GBP6: variants seen among roughly 807,000 people sequenced by gnomAD.
The protein encoded by GBP6 is guanylate binding protein family member 6.
Under a neutral mutation model 61.5 loss-of-function variants are expected in GBP6, and 54 were observed. The ratio of observed to expected loss-of-function variants is 0.88; its 90% CI spans 0.71 to 1.10. GBP6 has a LOEUF of 1.10. Ranked by LOEUF, GBP6 falls within the 50% of genes least tolerant of loss-of-function variation. The probability of loss-of-function intolerance (pLI) is 0.00; values close to 1 mark genes in which losing one functional copy is unlikely to be tolerated. For synonymous variants in GBP6, 255 were observed against 273.7 expected (o/e 0.93, Z 0.67); for missense variants, 748 against 752.8 (o/e 0.99, Z 0.07).
chr1:89,370,884 A>T (rs1245290204), intron 3 of GBP6, among the ~76,000 whole-genome samples: 2 of 152,190 alleles, frequency 1.3e-5, no homozygotes, highest in African/African-American at 4.8e-5. Context: ...TGAAGGTCAC[A>T]ATCAATATAG....
intron 1 of GBP6, among the ~76,000 whole-genome samples, chr1:89,367,983 A>G (rs939850981): frequency 3.3e-5 from 5 of 152,222 alleles, no homozygotes; most frequent in African/African-American, 1.2e-4. Flanking sequence ...CCTGGTTGCT[A>G]TAGACTTATG....
intron 4 of GBP6, 65 bp from the exon 5 acceptor site, chr1:89,378,352 A>G: frequency 4.5e-6 from 7 of 1,552,830 alleles, no homozygotes; most frequent in Non-Finnish European, 6.1e-6. Context: ...AGTGTTTATA[A>G]TATTTTTATA....
Position 89,369,385 on chromosome 1 carries a change from T to C in GBP6, c.191-161T>C, listed in dbSNP as rs147072861. On this transcript the variant is annotated intron_variant, in intron 2 of 10. Coordinates refer to ENST00000370456, the MANE Select transcript of GBP6 (RefSeq NM_198460.3). ...TCTCACATTTAATGTCCCTCGCTTT[T>C]TTATATAGATTATTCACAAAGTAAG... 5.2e-3 allele frequency among the ~76,000 whole-genome samples: 796 copies of C among 152,288 alleles called. 7 individuals carry two copies. Among genetic ancestry groups the C allele is most frequent in the African/African-American group, 0.018 (750 of 41,556 alleles).
intron 3 of GBP6, among the ~76,000 whole-genome samples, chr1:89,375,626 A>T (rs1007736668): frequency 1.3e-5 from 2 of 151,966 alleles, no homozygotes; most frequent in African/African-American, 4.8e-5. Context: ...ATTGAGTTAT[A>T]TAAGTTCCTC....
chr1:89,381,991 A>G lies in GBP6; in HGVS notation c.1152+17A>G. The stretch of plus-strand genomic sequence containing the variant: ...AAGTTCATGGTAATTTGCCTTAGTC[A>G]TTACTGTTCATCATCCTTCCCCTTG... On this transcript the variant is annotated intron_variant, in intron 7 of 10. Transcript: ENST00000370456. The G allele has an allele frequency of 1.3e-6, 2 of 1,584,010 alleles. No homozygotes were observed. The highest frequency in any genetic ancestry group is 2.2e-5 in the East Asian group (1 of 44,576).
Position 89,385,510 on chromosome 1 carries a change from G to T in GBP6, c.*41G>T. On this transcript the variant is annotated 3_prime_UTR_variant, in exon 11 of 11. Coordinates refer to ENST00000370456, the MANE Select transcript of GBP6 (RefSeq NM_198460.3). ...TACATATATGCTTTGGACTATTTTT[G>T]ATCTGTATGTTTTTCATTTTCATTC... 4 of 1,531,512 alleles carry T rather than the reference G, an allele frequency of 2.6e-6. No homozygotes were observed. The highest frequency in any genetic ancestry group is 2.3e-5 in the East Asian group (1 of 43,320). 94.9% of individuals were successfully genotyped at this position (1,531,512 alleles called of 1,614,324 possible).
Position 89,378,151 on chromosome 1 carries a change from T to C in GBP6, c.367T>C (p.Cys123Arg), listed in dbSNP as rs1422860444. Residue 123 changes from cysteine to arginine, a missense_variant, in exon 4 of 11, where the codon TGC (cysteine) becomes CGC (arginine). Coordinates refer to ENST00000370456, the MANE Select transcript of GBP6 (RefSeq NM_198460.3). Reference protein sequence around the residue: ...SWIFALAVLLCSTFVYNSMST... With the variant: ...SWIFALAVLLRSTFVYNSMST... The stretch of plus-strand genomic sequence containing the variant: ...GATCTTTGCCCTGGCTGTGCTCCTG[T>C]GCAGCACCTTTGTCTACAACAGCAT... The C allele has an allele frequency of 1.9e-6, 3 of 1,613,098 alleles. No individual in the cohort carries two copies. The South Asian group carries it at 3.3e-5, about 18-fold the overall frequency.
At position 89,383,698 on chromosome 1, in the gene GBP6, A is replaced by G; in HGVS notation, c.1412A>G (p.Glu471Gly). 6.2e-7 allele frequency: 1 copy of G among 1,612,876 alleles called. No homozygotes were observed. The highest frequency in any genetic ancestry group is 8.5e-7 in the Non-Finnish European group (1 of 1,179,750). The part of the protein sequence containing the change: ...QRFLESQMVI[E>G]ESILQSDKAL... Reference sequence around the variant, plus strand: ...TTCCTGGAGTCACAGATGGTGATAGAGGAATCCATCTTGCAGTCAGATAAA... The same window carrying G: ...TTCCTGGAGTCACAGATGGTGATAGGGGAATCCATCTTGCAGTCAGATAAA... The change falls in exon 9 of 11, where the codon GAG (glutamate) becomes GGG (glycine). Residue 471 changes from glutamate to glycine, a missense_variant. Transcript: ENST00000370456.
rs1653168768 is a variant in GBP6, at chr1:89,387,250, C to A, written c.*1781C>A. Among the ~76,000 whole-genome samples the A allele has an allele frequency of 6.6e-6, 1 of 152,120 alleles. No homozygotes were observed. The highest frequency in any genetic ancestry group is 1.5e-5 in the Non-Finnish European group (1 of 68,024). On this transcript the variant is annotated 3_prime_UTR_variant, in exon 11 of 11. Coordinates refer to ENST00000370456, the MANE Select transcript of GBP6 (RefSeq NM_198460.3). ...TCCATATACTAGGGAAATACAAACA[C>A]CCAAATATTTCAAGGACCCTTGGAA...
chr1:89,384,211 A>C lies in GBP6; in HGVS notation c.1587A>C (p.Gln529His). 3.1e-6 allele frequency: 5 copies of C among 1,614,052 alleles called. No individual in the cohort carries two copies. The highest frequency in any genetic ancestry group is 1.1e-5 in the South Asian group (1 of 91,080). The change falls in exon 10 of 11, where the codon CAA becomes CAC. Residue 529 changes from glutamine to histidine, a missense_variant. Coordinates refer to ENST00000370456, the MANE Select transcript of GBP6 (RefSeq NM_198460.3). ...QDKSRKENIA[Q>H]LKEKLQMERE... Reference sequence around the variant, plus strand: ...AGAGTCGCAAGGAAAACATAGCCCAACTGAAGGAGAAGCTGCAGATGGAGA... The same window carrying C: ...AGAGTCGCAAGGAAAACATAGCCCACCTGAAGGAGAAGCTGCAGATGGAGA...
intron 3 of GBP6, among the ~76,000 whole-genome samples, chr1:89,371,818 A>T (rs1234569358): frequency 6.6e-6 from 1 of 152,226 alleles, no homozygotes. Flanking sequence ...GGCCAGGGCA[A>T]TAAGGCAGGA....
intron 1 of GBP6, among the ~76,000 whole-genome samples, chr1:89,367,146 C>A (rs763351634): frequency 6.6e-6 from 1 of 152,070 alleles, no homozygotes; most frequent in Non-Finnish European, 1.5e-5. Context: ...TGAGTCCCTG[C>A]CTTTAATTTT....
intron 8 of GBP6, 78 bp from the exon 9 acceptor site, chr1:89,383,574 C>A: frequency 9.6e-7 from 1 of 1,039,550 alleles, no homozygotes; most frequent in Non-Finnish European, 1.5e-6. Context: ...AGTTACAAGA[C>A]CATAATTGTT....
Position 89,384,268 on chromosome 1 carries a change from G to A in GBP6, c.1644G>A (p.Met548Ile). 1.2e-6 allele frequency: 2 copies of A among 1,612,658 alleles called. No homozygotes were observed. The highest frequency in any genetic ancestry group is 1.1e-5 in the South Asian group (1 of 90,814). Reference protein sequence around the residue: ...REHLLREQIMMLEHTQKVQND... With the variant: ...REHLLREQIMILEHTQKVQND... Reference sequence around the variant, plus strand: ...ACCTACTGAGAGAGCAGATTATGATGTTGGAGCACACGCAGAAGGTAAGTC... The same window carrying A: ...ACCTACTGAGAGAGCAGATTATGATATTGGAGCACACGCAGAAGGTAAGTC... The change falls in exon 10 of 11, where the codon ATG becomes ATA. Residue 548 changes from methionine (M) to isoleucine (I), a missense_variant. Coordinates refer to ENST00000370456, the MANE Select transcript of GBP6 (RefSeq NM_198460.3).
At chr1:89,378,286 C>A (rs981872028) in intron 4 of GBP6, 74 bp downstream of exon 4, 2 of 1,539,160 alleles carry the variant, frequency 1.3e-6, no homozygotes, top group Non-Finnish European at 1.8e-6. Flanking sequence ...GTCATTTCCT[C>A]CTTCCCTTTG....
Position 89,378,313 on chromosome 1 carries a change from T to G in GBP6, c.428+101T>G. The G allele has an allele frequency of 5.3e-6, 8 of 1,523,010 alleles. No homozygotes were observed. In the South Asian group the frequency reaches 9.4e-5, roughly 18 times the overall value. The allele number at this position is 1,523,010 out of a possible 1,614,324, so 94.3% of individuals were successfully genotyped here. Reference sequence around the variant, plus strand: ...TTCCCTTTGATGTAATTACCTGTGGTGCAGCACAGGGAACCCAAGACAAAA... The same window carrying G: ...TTCCCTTTGATGTAATTACCTGTGGGGCAGCACAGGGAACCCAAGACAAAA... On this transcript the variant is annotated intron_variant, in intron 4 of 10. Coordinates refer to ENST00000370456, the MANE Select transcript of GBP6 (RefSeq NM_198460.3).
chr1:89,383,880 C>T, intron 9 of GBP6, 126 bp downstream of exon 9: 1 of 889,880 alleles, frequency 1.1e-6, no homozygotes, highest in Non-Finnish European at 1.7e-6. Flanking sequence ...TCTGCTAAAT[C>T]TTAAAATAAC....
intron 6 of GBP6, 139 bp downstream of exon 6, chr1:89,380,770 A>G: frequency 1.4e-6 from 1 of 721,940 alleles, no homozygotes; most frequent in Non-Finnish European, 2.2e-6. Flanking sequence ...AGAAATGTGT[A>G]TAATTATCAC....
In GBP6 at chr1:89,381,748, C is replaced by T. The variant is rs1288250403; in HGVS notation, c.926C>T (p.Pro309Leu). ...YVEAINSGAV[P>L]CLENAVITLA... ...GAGGCCATCAACAGTGGAGCAGTGC[C>T]TTGTCTGGAGAATGCAGTGATAACT... is the stretch of plus-strand genomic sequence containing the variant. Residue 309 changes from proline to leucine, a missense_variant, in exon 7 of 11, where the codon CCT (proline) becomes CTT (leucine). Coordinates refer to ENST00000370456, the MANE Select transcript of GBP6 (RefSeq NM_198460.3). 2 of 1,614,146 alleles carry T rather than the reference C, an allele frequency of 1.2e-6. No homozygotes were observed. The highest frequency in any genetic ancestry group is 2.2e-5 in the South Asian group (2 of 91,076).
Sources: allele counts gnomAD v4.1 joint callset (sites outside exome capture counted in the v4.1 genomes callset), GRCh38; gene constraint gnomAD v4.1.1; transcripts MANE v1.5; gene names NCBI Gene and HGNC (gene_info 2026-07-23, HGNC 2026-07-21).